TMEM9B: variants seen among roughly 807,000 people sequenced by gnomAD.
TMEM9B encodes transmembrane protein 9B.
Under a neutral mutation model 23.5 loss-of-function variants are expected in TMEM9B, and 8 were observed. That is an observed-to-expected ratio of 0.34 (90% CI 0.20 to 0.61). The LOEUF (loss-of-function observed/expected upper bound fraction) is 0.61. Among genes scored for constraint, TMEM9B ranks in the 20% least tolerant of loss-of-function variants. The pLI is 0.78. For missense variants in TMEM9B, 197 were observed against 252.3 expected (o/e 0.78, Z 1.49); for synonymous variants, 106 against 96.3 (o/e 1.10, Z -0.59).
chr11:8,951,685 GA>G (rs1306123964), intron 4 of TMEM9B, among the ~76,000 whole-genome samples: 1 of 151,610 alleles, frequency 6.6e-6, no homozygotes, highest in Non-Finnish European at 1.5e-5. Flanking sequence ...GTGAACCCGG[GA>G]GGCGGAGCTT....
chr11:8,958,479 T>C (rs370601190), intron 2 of TMEM9B, among the ~76,000 whole-genome samples: 2 of 151,872 alleles, frequency 1.3e-5, no homozygotes, highest in African/African-American at 4.8e-5. Context: ...AAAAGTTAAT[T>C]TCTAGAAATT....
At position 8,952,115 on chromosome 11, in the gene TMEM9B, CA is replaced by C. The variant is rs942881637; in HGVS notation, c.441+1087del. ...CAGAGTGAGACTCCGTCTCAAAAAACAAAAAAAACATTCTCTAAGCTACACT... is the reference window on the plus strand; with the variant it reads ...CAGAGTGAGACTCCGTCTCAAAAAACAAAAAAACATTCTCTAAGCTACACT... On this transcript the variant is annotated intron_variant, in intron 4 of 4. Coordinates refer to ENST00000534025, the MANE Select transcript of TMEM9B (RefSeq NM_020644.3). Among the ~76,000 whole-genome samples the C allele has an allele frequency of 2.6e-5, 4 of 151,160 alleles. No individual in the cohort carries two copies. In the East Asian group the frequency reaches 5.8e-4, roughly 22 times the overall value.
chr11:8,949,681 G>A (rs924620138), intron 4 of TMEM9B, among the ~76,000 whole-genome samples: 1 of 152,104 alleles, frequency 6.6e-6, no homozygotes, highest in African/African-American at 2.4e-5. Context: ...TTATAGCAAG[G>A]CATTTATACA....
At chr11:8,951,237 G>A (rs906627095) in intron 4 of TMEM9B, among the ~76,000 whole-genome samples, 4 of 152,178 alleles carry the variant, frequency 2.6e-5, no homozygotes, top group Non-Finnish European at 4.4e-5. Flanking sequence ...TGTAAAGGAA[G>A]GATGTCGTTT....
At chr11:8,961,299 C>T (rs181056555) in intron 2 of TMEM9B, among the ~76,000 whole-genome samples, 63 of 152,316 alleles carry the variant, frequency 4.1e-4, no homozygotes, top group African/African-American at 4.8e-4. Context: ...ATCAGATACA[C>T]GTGAAAGCTC....
At chr11:8,956,845 G>C (rs1853983841) in intron 2 of TMEM9B, among the ~76,000 whole-genome samples, 1 of 152,088 alleles carries the variant, frequency 6.6e-6, no homozygotes, top group African/African-American at 2.4e-5. Context: ...TCAACCTCCA[G>C]AGCAGCTATG....
In TMEM9B at chr11:8,964,363, C is replaced by CGGCTCGGGCTCA; in HGVS notation, c.-62_-51dup. 4.0e-6 allele frequency: 6 copies of CGGCTCGGGCTCA among 1,492,238 alleles called. No individual in the cohort carries two copies. The highest frequency in any genetic ancestry group is 1.9e-4 in the Middle Eastern group (1 of 5,302). The allele number at this position is 1,492,238 out of a possible 1,614,324, so 92.4% of individuals were successfully genotyped here. On this transcript the variant is annotated 5_prime_UTR_variant, in exon 1 of 5. Transcript: ENST00000534025. ...GCCCGGAGCCCCCGCGACCGGCTCC[C>CGGCTCGGGCTCA]GGCTCGGGCTCAGGCTCAGGCTCAG...
intron 2 of TMEM9B, among the ~76,000 whole-genome samples, chr11:8,959,072 A>G (rs1415131427): frequency 6.6e-6 from 1 of 152,216 alleles, no homozygotes; most frequent in Admixed American, 6.5e-5. Flanking sequence ...TATATCCCAT[A>G]ACAGGTGTTA....
chr11:8,954,949 G>T (rs779731434), intron 3 of TMEM9B, among the ~76,000 whole-genome samples: 2 of 152,048 alleles, frequency 1.3e-5, no homozygotes, highest in Non-Finnish European at 2.9e-5. Flanking sequence ...TCAGGAGTTC[G>T]AGACCAGCCT....
rs760287690 is a variant in TMEM9B at position 8,953,262 on chromosome 11, T to C, written c.382A>G (p.Ile128Val). The C allele has an allele frequency of 1.9e-6, 3 of 1,614,080 alleles. No individual in the cohort carries two copies. The highest frequency in any genetic ancestry group is 1.1e-5 in the South Asian group (1 of 91,076). ...TGTCCAAAGAGGCGCCTCTTCAGTA[T>C]GGGCTCAACCAGAGTAAGATATACC... ...YMVYLTLVEP[I>V]LKRRLFGHAQ... The change falls in exon 4 of 5, where the codon ATA (isoleucine) becomes GTA (valine). Residue 128 changes from isoleucine to valine, a missense_variant. This residue lies in a region of TMEM9B where 141 missense variants were observed against 214.1 expected (regional missense o/e 0.66). Transcript: ENST00000534025.
At chr11:8,949,044 A>T (rs568452856) in intron 4 of TMEM9B, among the ~76,000 whole-genome samples, 1 of 152,216 alleles carries the variant, frequency 6.6e-6, no homozygotes, top group East Asian at 1.9e-4. Context: ...CTGTACCCTC[A>T]ACACACACAC....
chr11:8,957,807 A>G lies in TMEM9B; in HGVS notation c.198-1509T>C, dbSNP rs912197267. 6.6e-6 allele frequency among the ~76,000 whole-genome samples: 1 copy of G among 152,266 alleles called. No individual in the cohort carries two copies. The highest frequency in any genetic ancestry group is 2.4e-5 in the African/African-American group (1 of 41,470). ...TTCTGATCAAATCACTATATCTTAT[A>G]TGAATTGAAACATCACTATGTATCC... On this transcript the variant is annotated intron_variant, in intron 2 of 4. Transcript: ENST00000534025. The surrounding 1 kb of genome is among the most constrained non-coding windows in gnomAD (Gnocchi z 4.3).
rs777708118 is a variant in TMEM9B at position 8,947,221 on chromosome 11, A to G, written c.*1099T>C. On this transcript the variant is annotated 3_prime_UTR_variant, in exon 5 of 5. Coordinates refer to ENST00000534025, the MANE Select transcript of TMEM9B (RefSeq NM_020644.3). ...TCAGAACAGGGTACAAAATGTCTTT[A>G]TATCTTCAATCTCATTATACAGCAA... 1 of 152,630 alleles carries G rather than the reference A, an allele frequency of 6.6e-6. No individual in the cohort carries two copies. Among genetic ancestry groups the G allele is most frequent in the Non-Finnish European group, 1.5e-5 (1 of 68,044 alleles). The allele number at this position is 152,630 out of a possible 1,614,324, so 9.5% of individuals were successfully genotyped here.
Position 8,948,924 on chromosome 11 carries a change from G to C in TMEM9B, c.442-449C>G, listed in dbSNP as rs142520510. Among the ~76,000 whole-genome samples, 319 of 152,296 alleles carry C rather than the reference G, an allele frequency of 2.1e-3. 4 individuals carry two copies. The highest frequency in any genetic ancestry group is 7.5e-3 in the African/African-American group (312 of 41,556). ...CTAATCTGTGGCAGAGGAAAGATCT[G>C]TCTTTTAATTTCCTGTCTCCATTAG... On this transcript the variant is annotated intron_variant, in intron 4 of 4. Transcript: ENST00000534025.
At chr11:8,959,919 T>TATC (rs1209966265) in intron 2 of TMEM9B, among the ~76,000 whole-genome samples, 6 of 152,130 alleles carry the variant, frequency 3.9e-5, no homozygotes, top group Non-Finnish European at 7.4e-5. Flanking sequence ...GGTAAAACTA[T>TATC]ATCTAGGCCC....
At chr11:8,963,963 T>A in intron 1 of TMEM9B, 1 of 510,582 alleles carries the variant, frequency 2.0e-6, no homozygotes, top group Admixed American at 4.0e-5. Context: ...CTGTCCGGAC[T>A]GTGGGCACTG....
intron 2 of TMEM9B, among the ~76,000 whole-genome samples, chr11:8,961,340 C>T (rs546361765): frequency 2.0e-5 from 3 of 152,344 alleles, no homozygotes; most frequent in South Asian, 2.1e-4. Flanking sequence ...TCCTAAATTC[C>T]TATCCCATCC....
Position 8,964,390 on chromosome 11 carries a change from C to A in TMEM9B, c.-77G>T, listed in dbSNP as rs1186213170. 3.3e-5 allele frequency: 50 copies of A among 1,518,630 alleles called. No individual in the cohort carries two copies. Among genetic ancestry groups the A allele is most frequent in the Non-Finnish European group, 3.5e-5 (40 of 1,135,738 alleles). The allele number at this position is 1,518,630 out of a possible 1,614,324, so 94.1% of individuals were successfully genotyped here. A position where few individuals can be genotyped will look rare whatever the true frequency, so the allele number is the denominator to read the frequency against. Reference sequence around the variant, plus strand: ...GCTCGGGCTCAGGCTCAGGCTCAGGCTCAGGCACAGGCTTGGGACCCGGCT... The same window carrying A: ...GCTCGGGCTCAGGCTCAGGCTCAGGATCAGGCACAGGCTTGGGACCCGGCT... On this transcript the variant is annotated 5_prime_UTR_variant, in exon 1 of 5. Transcript: ENST00000534025.
At chr11:8,950,704 C>T (rs1020989966) in intron 4 of TMEM9B, among the ~76,000 whole-genome samples, 4 of 152,118 alleles carry the variant, frequency 2.6e-5, no homozygotes, top group African/African-American at 9.7e-5. Context: ...ACATGTTTTA[C>T]TGTAATGCTT....
Sources: gnomAD v4.1 joint callset for allele counts (sites outside exome capture counted in the v4.1 genomes callset) on GRCh38, gnomAD v4.1.1 for gene constraint, gnomAD v4.1.1 regional missense constraint, Gnocchi (gnomAD v3.1) non-coding constraint, MANE v1.5 for transcripts, NCBI Gene and HGNC (gene_info 2026-07-23, HGNC 2026-07-21) for gene names.